COMMD9: variants seen among roughly 807,000 people sequenced by gnomAD.
COMMD9 encodes the protein COMM domain containing 9, also known as COMM domain-containing protein 9.
A neutral mutation model predicts 23.4 loss-of-function variants in COMMD9; 22 were observed. The observed-to-expected ratio is 0.94, with a 90% confidence interval of 0.67 to 1.34. The LOEUF is 1.34. Ranked by LOEUF, COMMD9 falls within the 40% of genes most tolerant of loss-of-function variation. The pLI is 0.00. For synonymous variants in COMMD9, 99 were observed against 97.4 expected (o/e 1.02, Z -0.10); for missense variants, 231 against 240.2 (o/e 0.96, Z 0.25).
chr11:36,273,951 A>G lies in COMMD9; in HGVS notation c.*681T>C, dbSNP rs1370881051. ...CAACTTGGGGACAAAAGAAGCTACAAAAATCATGGAAGTTTTAGAACTGTT... is the reference window on the plus strand; with the variant it reads ...CAACTTGGGGACAAAAGAAGCTACAGAAATCATGGAAGTTTTAGAACTGTT... On this transcript the variant is annotated 3_prime_UTR_variant, in exon 6 of 6. Transcript: ENST00000263401. 5.7e-6 allele frequency: 1 copy of G among 176,688 alleles called. No homozygotes were observed. Among genetic ancestry groups the G allele is most frequent in the African/African-American group, 2.4e-5 (1 of 42,384 alleles). 10.9% of individuals were successfully genotyped at this position (176,688 alleles called of 1,614,324 possible).
intron 4 of COMMD9, 152 bp from the exon 5 acceptor site, chr11:36,276,392 C>T (rs1310571425): frequency 9.8e-6 from 6 of 610,630 alleles, no homozygotes; most frequent in Admixed American, 2.6e-5. Context: ...GCCCGAGACC[C>T]ACAGCGAGTC....
chr11:36,288,949 T>C lies in COMMD9; in HGVS notation c.51+413A>G, dbSNP rs573355191. 1.3e-4 allele frequency among the ~76,000 whole-genome samples: 20 copies of C among 152,238 alleles called. No homozygotes were observed. The East Asian group carries it at 2.3e-3, about 18-fold the overall frequency. On this transcript the variant is annotated intron_variant, in intron 1 of 5. Transcript: ENST00000263401. ...GGAAAATCTGGACCTCAAGGGAACA[T>C]TGAACGCACAGGTCATTCGGAGGGC...
intron 5 of COMMD9, among the ~76,000 whole-genome samples, chr11:36,275,733 C>T (rs952861939): frequency 6.6e-6 from 1 of 152,198 alleles, no homozygotes; most frequent in African/African-American, 2.4e-5. Context: ...TAAGCCACTG[C>T]TCCCAGCGAC....
intron 4 of COMMD9, chr11:36,276,641 T>C (rs2289987): frequency 0.38 from 78,048 of 205,312 alleles, 16,009 homozygotes; most frequent in Non-Finnish European, 0.44. Flanking sequence ...CTACCACTTA[T>C]CTAACCTCTG....
At chr11:36,284,863 G>A (rs1246487961) in intron 1 of COMMD9, among the ~76,000 whole-genome samples, 1 of 152,148 alleles carries the variant, frequency 6.6e-6, no homozygotes, top group Non-Finnish European at 1.5e-5. Context: ...AACATTTGTG[G>A]TACACAGCCT....
intron 1 of COMMD9, among the ~76,000 whole-genome samples, chr11:36,288,529 G>T (rs566505561): frequency 6.6e-6 from 1 of 152,260 alleles, no homozygotes; most frequent in South Asian, 2.1e-4. Context: ...CCGGCCAGGC[G>T]CGGTGGCTCA....
intron 2 of COMMD9, among the ~76,000 whole-genome samples, chr11:36,280,006 T>A (rs72946165): frequency 0.33 from 49,762 of 152,008 alleles, 9,052 homozygotes; most frequent in Non-Finnish European, 0.4. Flanking sequence ...CTCGTGGAGC[T>A]GAGGTGGGAG....
intron 5 of COMMD9, among the ~76,000 whole-genome samples, chr11:36,275,279 T>G (rs1432541825): frequency 6.6e-6 from 1 of 152,240 alleles, no homozygotes; most frequent in Non-Finnish European, 1.5e-5. Context: ...TCTGGTTATG[T>G]AGATACAGCA....
intron 3 of COMMD9, 137 bp downstream of exon 3, chr11:36,278,340 A>T (rs1856008948): frequency 2.7e-6 from 2 of 737,766 alleles, no homozygotes; most frequent in East Asian, 5.4e-5. Flanking sequence ...TGGTGGAATT[A>T]CAGGTGTCTT....
At position 36,280,730 on chromosome 11, in the gene COMMD9, G is replaced by C. The variant is rs1261720947; in HGVS notation, c.159C>G (p.Thr53=). 2.5e-6 allele frequency: 4 copies of C among 1,603,606 alleles called. No homozygotes were observed. Among genetic ancestry groups the C allele is most frequent in the Non-Finnish European group, 1.7e-6 (2 of 1,174,504 alleles). ...LDVTCSSLSV[T]QEEAEELLQA... ...CACTTACTTCCTCTGCCTCCTCCTG[G>C]GTCACAGACAAGCTGGAACATGTAA... Residue 53 remains threonine, a synonymous_variant, in exon 2 of 6, where the codon ACC becomes ACG. Coordinates refer to ENST00000263401, the MANE Select transcript of COMMD9 (RefSeq NM_014186.4).
intron 1 of COMMD9, among the ~76,000 whole-genome samples, chr11:36,285,272 T>C (rs1475748600): frequency 6.6e-6 from 1 of 151,870 alleles, no homozygotes; most frequent in Admixed American, 6.6e-5. Flanking sequence ...AATGGGCCAA[T>C]TCCTCAAATA....
intron 2 of COMMD9, among the ~76,000 whole-genome samples, chr11:36,279,739 A>G (rs185733140): frequency 6.6e-6 from 1 of 152,310 alleles, no homozygotes; most frequent in Non-Finnish European, 1.5e-5. Context: ...AAGTCTCCAA[A>G]TCACTTCCAA....
chr11:36,280,787 A>G lies in COMMD9; in HGVS notation c.102T>C (p.Ser34=), dbSNP rs755280883. Residue 34 remains serine, a synonymous_variant, in exon 2 of 6, where the codon AGT becomes AGC. Transcript: ENST00000263401. ...VRQLCQESFS[S]SALGLKKLLD... Reference sequence around the variant, plus strand: ...AGAGTTTTTTCAAGCCAAGGGCTGAACTGGAAAAGCTTTCTTGACACAGCT... The same window carrying G: ...AGAGTTTTTTCAAGCCAAGGGCTGAGCTGGAAAAGCTTTCTTGACACAGCT... 15 of 1,610,470 alleles carry G rather than the reference A, an allele frequency of 9.3e-6. No homozygotes were observed. In the Admixed American group the frequency reaches 1.0e-4, roughly 11 times the overall value.
intron 4 of COMMD9, chr11:36,276,806 G>A: frequency 3.4e-6 from 1 of 290,206 alleles, no homozygotes; most frequent in Non-Finnish European, 6.4e-6. Flanking sequence ...AACTATTTTT[G>A]ATTATTGTTA....
chr11:36,289,256 C>T, intron 1 of COMMD9, 106 bp downstream of exon 1: 1 of 1,069,156 alleles, frequency 9.4e-7, no homozygotes, highest in Non-Finnish European at 1.3e-6. Context: ...GAACAAGCAG[C>T]AGAGTTGTGG....
intron 1 of COMMD9, among the ~76,000 whole-genome samples, chr11:36,284,548 A>G (rs1435595887): frequency 6.6e-6 from 1 of 152,214 alleles, no homozygotes; most frequent in African/African-American, 2.4e-5. Flanking sequence ...TCATGAAACA[A>G]TACCCAGTAA....
chr11:36,276,268 C>A, intron 4 of COMMD9, 28 bp from the exon 5 acceptor site: 1 of 1,499,708 alleles, frequency 6.7e-7, no homozygotes, highest in Non-Finnish European at 9.3e-7. Context: ...CAGCTCAATG[C>A]TCATGCCGCC....
intron 1 of COMMD9, among the ~76,000 whole-genome samples, chr11:36,283,314 C>G (rs1856097177): frequency 6.6e-6 from 1 of 152,194 alleles, no homozygotes; most frequent in Non-Finnish European, 1.5e-5. Context: ...ACTGTAGGCT[C>G]TCTTTCTTTT....
In COMMD9 at chr11:36,274,678, C is replaced by A. The variant is rs772086752; in HGVS notation, c.551G>T (p.Gly184Val). The stretch of plus-strand genomic sequence containing the variant: ...GAGTTGGTCTCGGATGCGGCCCAGG[C>A]CATCTAACATGGTGTCCAGTGTTTC... ...SKETLDTMLD[G>V]LGRIRDQLSA... The change falls in exon 6 of 6, where the codon GGC becomes GTC. Residue 184 changes from glycine to valine, a missense_variant. Transcript: ENST00000263401. The A allele has an allele frequency of 1.9e-6, 3 of 1,614,274 alleles. No homozygotes were observed. The South Asian group carries it at 3.3e-5, about 18-fold the overall frequency.
Sources: gnomAD v4.1 joint callset for allele counts (sites outside exome capture counted in the v4.1 genomes callset) on GRCh38, gnomAD v4.1.1 for gene constraint, MANE v1.5 for transcripts, NCBI Gene and HGNC (gene_info 2026-07-23, HGNC 2026-07-21) for gene names.